PRTFDC1: variants seen among roughly 807,000 people sequenced by gnomAD.
PRTFDC1 encodes phosphoribosyl transferase domain containing 1, also known as phosphoribosyltransferase domain-containing protein 1.
In PRTFDC1, 38 loss-of-function variants were observed where a neutral mutation model predicts 34.6. The ratio of observed to expected loss-of-function variants is 1.10; its 90% CI spans 0.85 to 1.44. PRTFDC1 has a LOEUF of 1.44. Ranked by LOEUF, PRTFDC1 falls within the 40% of genes most tolerant of loss-of-function variation. PRTFDC1 has a pLI of 0.00. For missense variants in PRTFDC1, 270 were observed against 283.0 expected, an observed-to-expected ratio of 0.95 and a Z score of 0.33; for synonymous variants, 93 against 98.1, an observed-to-expected ratio of 0.95 and a Z score of 0.31.
Position 24,849,901 on chromosome 10 carries a change from T to A in PRTFDC1, c.631-10A>T, listed in dbSNP as rs775757402. ...TGATGACGCATATGTGCTGAAACAATAAAGGATTTAAACGCATCAGTTTCT... is the reference window on the plus strand; with the variant it reads ...TGATGACGCATATGTGCTGAAACAAAAAAGGATTTAAACGCATCAGTTTCT... On this transcript the variant is annotated splice_polypyrimidine_tract_variant and intron_variant, in intron 8 of 8. Transcript: ENST00000320152. 2.5e-6 allele frequency: 4 copies of A among 1,613,736 alleles called. No homozygotes were observed. In the Admixed American group the frequency reaches 5.0e-5, roughly 20 times the overall value.
chr10:24,928,956 G>T (rs73606592), intron 3 of PRTFDC1, among the ~76,000 whole-genome samples: 3 of 149,436 alleles, frequency 2.0e-5, no homozygotes, highest in African/African-American at 7.4e-5. Context: ...AGGAGAATGG[G>T]GTGAACCCAG....
intron 4 of PRTFDC1, among the ~76,000 whole-genome samples, chr10:24,867,396 T>G (rs1181211484): frequency 6.6e-6 from 1 of 152,272 alleles, no homozygotes; most frequent in East Asian, 1.9e-4. Context: ...TTTCAGCCAT[T>G]CTTCCCTCTT....
At chr10:24,940,324 T>C (rs755324505) in intron 2 of PRTFDC1, among the ~76,000 whole-genome samples, 21 of 152,188 alleles carry the variant, frequency 1.4e-4, no homozygotes, top group Non-Finnish European at 2.6e-4. Flanking sequence ...GCAAATCATA[T>C]ATCTGATAAA....
At position 24,849,751 on chromosome 10, in the gene PRTFDC1, A is replaced by C. The variant is rs1252678609; in HGVS notation, c.*93T>G. ...TTTTCTTTTATATCCTGCTGAGTGA[A>C]GATGCCTGGGGGGACAAACTTGACA... On this transcript the variant is annotated 3_prime_UTR_variant, in exon 9 of 9. Transcript: ENST00000320152. 1 of 1,188,422 alleles carries C rather than the reference A, an allele frequency of 8.4e-7. No homozygotes were observed. Among genetic ancestry groups the C allele is most frequent in the East Asian group, 2.4e-5 (1 of 42,544 alleles). 73.6% of individuals were successfully genotyped at this position (1,188,422 alleles called of 1,614,324 possible). A position where few individuals can be genotyped will look rare whatever the true frequency, so the allele number is the denominator to read the frequency against.
chr10:24,879,808 G>C (rs1443722671), intron 3 of PRTFDC1, among the ~76,000 whole-genome samples: 1 of 152,204 alleles, frequency 6.6e-6, no homozygotes, highest in Non-Finnish European at 1.5e-5. Context: ...CTAATATCAT[G>C]TTAATGCTTT....
At chr10:24,863,178 CT>C (rs144192966) in intron 4 of PRTFDC1, among the ~76,000 whole-genome samples, 1,915 of 152,108 alleles carry the variant, frequency 0.013, 42 homozygotes, top group African/African-American at 0.043. Flanking sequence ...GTGACGCCCC[CT>C]AGACTGACTC....
intron 3 of PRTFDC1, among the ~76,000 whole-genome samples, chr10:24,921,918 G>T (rs1338393279): frequency 6.6e-6 from 1 of 152,002 alleles, no homozygotes; most frequent in African/African-American, 2.4e-5. Flanking sequence ...ATACACTATG[G>T]GTTAAAACGA....
At chr10:24,886,655 A>C (rs945016083) in intron 3 of PRTFDC1, among the ~76,000 whole-genome samples, 3 of 152,156 alleles carry the variant, frequency 2.0e-5, no homozygotes, top group African/African-American at 7.2e-5. Context: ...TATGTTGCCC[A>C]AGCTGGAGTG....
At chr10:24,925,785 C>T (rs1007152982) in intron 3 of PRTFDC1, among the ~76,000 whole-genome samples, 1 of 152,216 alleles carries the variant, frequency 6.6e-6, no homozygotes, top group Non-Finnish European at 1.5e-5. Flanking sequence ...CCTATCCCCA[C>T]TTCATCTACT....
At chr10:24,930,479 G>T (rs1848954147) in intron 3 of PRTFDC1, among the ~76,000 whole-genome samples, 1 of 152,122 alleles carries the variant, frequency 6.6e-6, no homozygotes, top group Non-Finnish European at 1.5e-5. Context: ...CATTCTTCCA[G>T]CAATAATAGA....
chr10:24,898,898 T>G (rs1848410027), intron 3 of PRTFDC1, among the ~76,000 whole-genome samples: 1 of 152,072 alleles, frequency 6.6e-6, no homozygotes. Flanking sequence ...GGTAATTAAG[T>G]CATGGGATTC....
At chr10:24,940,496 C>T (rs200004821) in intron 2 of PRTFDC1, among the ~76,000 whole-genome samples, 11 of 152,302 alleles carry the variant, frequency 7.2e-5, no homozygotes, top group Middle Eastern at 6.8e-3. Context: ...ATTAAAACCA[C>T]GGTGAGATAC....
chr10:24,866,200 A>G (rs139042251), intron 4 of PRTFDC1, among the ~76,000 whole-genome samples: 1 of 152,006 alleles, frequency 6.6e-6, no homozygotes, highest in East Asian at 1.9e-4. Context: ...ATCTCTTCTA[A>G]AACTACAAAA....
intron 3 of PRTFDC1, among the ~76,000 whole-genome samples, chr10:24,872,753 C>T (rs1472726509): frequency 2.1e-5 from 3 of 142,008 alleles, no homozygotes; most frequent in African/African-American, 7.8e-5. Context: ...AATATATGTG[C>T]ACACGTGTGT....
intron 4 of PRTFDC1, among the ~76,000 whole-genome samples, chr10:24,859,238 A>C (rs1400368132): frequency 3.3e-5 from 5 of 151,922 alleles, no homozygotes; most frequent in African/African-American, 1.2e-4. Flanking sequence ...CAGACATCTG[A>C]AGTGCTGCTC....
intron 3 of PRTFDC1, among the ~76,000 whole-genome samples, chr10:24,916,300 C>T (rs529429823): frequency 6.6e-6 from 1 of 152,316 alleles, no homozygotes; most frequent in African/African-American, 2.4e-5. Context: ...TCTCCCTGCT[C>T]AACCTTTACC....
At chr10:24,937,494 C>A in intron 2 of PRTFDC1, 127 bp from the exon 3 acceptor site, 1 of 728,436 alleles carries the variant, frequency 1.4e-6, no homozygotes, top group East Asian at 3.2e-5. Context: ...CCTTGGGAAA[C>A]AGAAACCCAC....
chr10:24,916,755 T>A (rs1211172278), intron 3 of PRTFDC1, among the ~76,000 whole-genome samples: 1 of 152,116 alleles, frequency 6.6e-6, no homozygotes, highest in Non-Finnish European at 1.5e-5. Flanking sequence ...TATTTCTTCT[T>A]TTCTCGTTTT....
intron 3 of PRTFDC1, among the ~76,000 whole-genome samples, chr10:24,924,659 C>T (rs202199609): frequency 1.3e-5 from 2 of 152,052 alleles, no homozygotes; most frequent in South Asian, 4.1e-4. Context: ...GGGCAAAAGA[C>T]ATGAACAGAC....
Sources: allele counts gnomAD v4.1 joint callset (sites outside exome capture counted in the v4.1 genomes callset), GRCh38; gene constraint gnomAD v4.1.1; transcripts MANE v1.5; gene names NCBI Gene and HGNC (gene_info 2026-07-23, HGNC 2026-07-21).